Variants in USP6 observed in about 807,000 individuals in gnomAD.
USP6 encodes ubiquitin specific peptidase 6, also known as ubiquitin carboxyl-terminal hydrolase 6.
USP6 carries 128 observed loss-of-function variants against 175.7 expected under a neutral mutation model. The ratio of observed to expected loss-of-function variants is 0.73; its 90% CI spans 0.63 to 0.84. The LOEUF (loss-of-function observed/expected upper bound fraction) is 0.84. USP6 is among the 40% of genes least tolerant of loss of function. The pLI is 0.00. For missense variants in USP6, 1,498 were observed against 1,760.3 expected (o/e 0.85, Z 2.67); for synonymous variants, 562 against 630.6 (o/e 0.89, Z 1.63).
At chr17:5,166,172 A>G (rs2074092289) in intron 33 of USP6, among the ~76,000 whole-genome samples, 2 of 152,126 alleles carry the variant, frequency 1.3e-5, no homozygotes. Context: ...AGATGATGAC[A>G]GTTAATATCT....
chr17:5,143,722 C>G (rs1009746804), intron 25 of USP6, among the ~76,000 whole-genome samples: 1 of 151,616 alleles, frequency 6.6e-6, no homozygotes, highest in East Asian at 1.9e-4. Flanking sequence ...CCAAATCCCC[C>G]TCTGCGAGAA....
Position 5,132,137 on chromosome 17 carries a change from T to A in USP6, c.156-259T>A. Reference sequence around the variant, plus strand: ...TCAAGTCCAGGATGGGCAGCCCCACTGTGGCCTGACCACCCCCCATGCCAG... The same window carrying A: ...TCAAGTCCAGGATGGGCAGCCCCACAGTGGCCTGACCACCCCCCATGCCAG... On this transcript the variant is annotated intron_variant, in intron 11 of 37. Transcript: ENST00000574788. The surrounding 1 kb of genome is among the most constrained non-coding windows in gnomAD (Gnocchi z 4.7). The A allele has an allele frequency of 1.5e-6, 2 of 1,347,556 alleles. No individual in the cohort carries two copies. Among genetic ancestry groups the A allele is most frequent in the Non-Finnish European group, 2.0e-6 (2 of 1,002,890 alleles). 83.5% of individuals were successfully genotyped at this position (1,347,556 alleles called of 1,614,324 possible).
rs779382818 is a variant in USP6, at chr17:5,168,934, G to T, written c.3396G>T (p.Lys1132Asn). 8 of 1,613,852 alleles carry T rather than the reference G, an allele frequency of 5.0e-6. No homozygotes were observed. In the African/African-American group the frequency reaches 5.3e-5, roughly 11 times the overall value. Residue 1132 changes from lysine (K) to asparagine (N), a missense_variant, in exon 35 of 38, where the codon AAG (lysine) becomes AAT (asparagine). Transcript: ENST00000574788. ...CACCCCAGGGGGATGAGCTCTCCAAGCCCAGGATTCTGGCAAGAGAGGTGA... is the reference window on the plus strand; with the variant it reads ...CACCCCAGGGGGATGAGCTCTCCAATCCCAGGATTCTGGCAAGAGAGGTGA... ...PLTPQGDELS[K>N]PRILAREVKK...
Position 5,132,963 on chromosome 17 carries a change from A to G in USP6, c.249A>G (p.Glu83=), listed in dbSNP as rs376322469. The G allele has an allele frequency of 2.3e-4, 371 of 1,614,140 alleles. 5 individuals carry two copies. The South Asian group carries it at 3.9e-3, about 17-fold the overall frequency. ...GCAAGTGGATGGAAATGCTGGGAGA[A>G]TGGGAGACATATAAGCACAGTAGCA... ...RTSKWMEMLG[E]WETYKHSSKL... Residue 83 remains glutamate, a synonymous_variant, in exon 13 of 38, where the codon GAA becomes GAG. Transcript: ENST00000574788. The surrounding 1 kb of genome is among the most constrained non-coding windows in gnomAD (Gnocchi z 4.7).
chr17:5,156,575 G>T (rs2073890026), intron 31 of USP6, among the ~76,000 whole-genome samples: 1 of 151,918 alleles, frequency 6.6e-6, no homozygotes, highest in Admixed American at 6.5e-5. Context: ...CAAAGTGCGG[G>T]GATTACAGGC....
intron 30 of USP6, among the ~76,000 whole-genome samples, chr17:5,149,687 T>A (rs2073710862): frequency 1.3e-5 from 2 of 152,060 alleles, no homozygotes; most frequent in African/African-American, 4.8e-5. Context: ...GTTTTTTGTT[T>A]TGGGTTTTGT....
At chr17:5,137,229 C>A (rs377521181) in intron 19 of USP6, 43 bp downstream of exon 19, 1 of 1,603,440 alleles carries the variant, frequency 6.2e-7, no homozygotes, top group Admixed American at 1.7e-5. Context: ...ACCCTCCTTG[C>A]CCTGCAGTGC....
intron 22 of USP6, 60 bp from the exon 23 acceptor site, chr17:5,141,365 A>G: frequency 6.8e-7 from 1 of 1,468,024 alleles, no homozygotes; most frequent in East Asian, 2.3e-5. Context: ...AAACAGAAGC[A>G]ATCAAGTGGG....
At chr17:5,153,423 A>C (rs1420084119) in intron 30 of USP6, among the ~76,000 whole-genome samples, 1 of 151,704 alleles carries the variant, frequency 6.6e-6, no homozygotes, top group South Asian at 2.1e-4. Flanking sequence ...AGTAGCTGGG[A>C]TTACAGGCAT....
Position 5,170,657 on chromosome 17 carries a change from G to A in USP6, c.3696G>A (p.Gly1232=), listed in dbSNP as rs548120405. The change falls in exon 36 of 38, where the codon GGG becomes GGA. Residue 1232 remains glycine (G), a synonymous_variant. Transcript: ENST00000574788. ...KKNLDASKEN[G]AGQICELADA... ...ACTTGGATGCCAGCAAAGAGAATGG[G>A]GCTGGGCAGATCTGTGAGCTGGCTG... is the stretch of plus-strand genomic sequence containing the variant. 6.2e-7 allele frequency: 1 copy of A among 1,613,912 alleles called. No individual in the cohort carries two copies. Among genetic ancestry groups the A allele is most frequent in the East Asian group, 2.2e-5 (1 of 44,886 alleles).
At chr17:5,152,052 G>T (rs2073785042) in intron 30 of USP6, among the ~76,000 whole-genome samples, 1 of 152,106 alleles carries the variant, frequency 6.6e-6, no homozygotes, top group Non-Finnish European at 1.5e-5. Flanking sequence ...GACCAGCCTG[G>T]CCAATATGGT....
intron 30 of USP6, among the ~76,000 whole-genome samples, chr17:5,153,381 T>C (rs575527126): frequency 1.3e-5 from 2 of 151,346 alleles, no homozygotes; most frequent in Non-Finnish European, 3.0e-5. Flanking sequence ...CCGCCTCCTG[T>C]GTTCAAGTGA....
chr17:5,173,881 T>A lies in USP6; in HGVS notation c.*903T>A. 4.5e-6 allele frequency: 1 copy of A among 222,918 alleles called. No individual in the cohort carries two copies. 13.8% of individuals were successfully genotyped at this position (222,918 alleles called of 1,614,324 possible). A position where few individuals can be genotyped will look rare whatever the true frequency, so the allele number is the denominator to read the frequency against. ...GAAGGTAAGCGGCATCGGAGCTAGATCACGTTTCACAATTAGTGGTTATTC... is the reference window on the plus strand; with the variant it reads ...GAAGGTAAGCGGCATCGGAGCTAGAACACGTTTCACAATTAGTGGTTATTC... On this transcript the variant is annotated 3_prime_UTR_variant, in exon 38 of 38. Transcript: ENST00000574788.
At chr17:5,141,378 T>G in intron 22 of USP6, 47 bp from the exon 23 acceptor site, 1 of 1,521,856 alleles carries the variant, frequency 6.6e-7, no homozygotes, top group Non-Finnish European at 8.9e-7. Flanking sequence ...CAAGTGGGTG[T>G]AAATTAGACA....
At chr17:5,118,952 A>T (rs933374551) in intron 2 of USP6, among the ~76,000 whole-genome samples, 1 of 152,162 alleles carries the variant, frequency 6.6e-6, no homozygotes, top group Non-Finnish European at 1.5e-5. Flanking sequence ...TTCAGAAAGA[A>T]CCAATCGGGA....
intron 16 of USP6, 65 bp downstream of exon 16, chr17:5,135,347 T>C (rs2143878483): frequency 6.3e-7 from 1 of 1,584,686 alleles, no homozygotes. Context: ...GGGTGTCTGG[T>C]GGGGGTGTCG....
At chr17:5,141,566 T>TA in intron 23 of USP6, 67 bp downstream of exon 23, 18 of 1,395,668 alleles carry the variant, frequency 1.3e-5, no homozygotes, top group South Asian at 2.8e-5. Flanking sequence ...TTTCAACTAT[T>TA]AAAGTGCTAA....
At chr17:5,151,463 G>A (rs1386689964) in intron 30 of USP6, among the ~76,000 whole-genome samples, 1 of 150,988 alleles carries the variant, frequency 6.6e-6, no homozygotes, top group Non-Finnish European at 1.5e-5. Flanking sequence ...GTGTGTGTGT[G>A]TGGTGTGTGT....
chr17:5,132,366 G>T lies in USP6; in HGVS notation c.156-30G>T. ...TTGGGCGGCTCCAGGCCCTGTGCAC[G>T]TCCTCAGCTCTGCCTGGGTTGCCTT... On this transcript the variant is annotated intron_variant, in intron 11 of 37. Transcript: ENST00000574788. This position sits in a 1 kb window ranked among gnomAD's most constrained non-coding sequence, Gnocchi z 4.7. 1 of 1,612,208 alleles carries T rather than the reference G, an allele frequency of 6.2e-7. No individual in the cohort carries two copies. Among genetic ancestry groups the T allele is most frequent in the East Asian group, 2.2e-5 (1 of 44,872 alleles).
Sources: allele counts gnomAD v4.1 joint callset (sites outside exome capture counted in the v4.1 genomes callset), GRCh38; gene constraint gnomAD v4.1.1; non-coding constraint Gnocchi (gnomAD v3.1); transcripts MANE v1.5; gene names NCBI Gene and HGNC (gene_info 2026-07-23, HGNC 2026-07-21).